Variants in BRAF observed in about 807,000 individuals in gnomAD.
BRAF encodes serine/threonine-protein kinase B-raf.
In BRAF, 16 loss-of-function variants were observed where a neutral mutation model predicts 104.6. The ratio of observed to expected loss-of-function variants is 0.15; its 90% CI spans 0.10 to 0.23. The LOEUF is 0.23. Among genes scored for constraint, BRAF ranks in the 10% least tolerant of loss-of-function variants. The pLI is 1.00. For missense variants in BRAF, 541 were observed against 937.3 expected, an observed-to-expected ratio of 0.58 and a Z score of 5.52; for synonymous variants, 310 against 341.6, an observed-to-expected ratio of 0.91 and a Z score of 1.02.
At chr7:140,775,671 G>A (rs749265656) in intron 14 of BRAF, among the ~76,000 whole-genome samples, 1 of 152,128 alleles carries the variant, frequency 6.6e-6, no homozygotes, top group African/African-American at 2.4e-5. Flanking sequence ...CTTTAGATTC[G>A]AACAGATTCA....
chr7:140,898,149 AC>A (rs1216385686), intron 1 of BRAF, among the ~76,000 whole-genome samples: 1 of 152,158 alleles, frequency 6.6e-6, no homozygotes, highest in East Asian at 1.9e-4. Context: ...CTATGATCAC[AC>A]TACTGCACTC....
chr7:140,842,463 T>C (rs1200663661), intron 2 of BRAF, among the ~76,000 whole-genome samples: 1 of 152,172 alleles, frequency 6.6e-6, no homozygotes, highest in Non-Finnish European at 1.5e-5. Context: ...GATTCAACCA[T>C]AAATTCTGAA....
chr7:140,830,648 CCT>C (rs1220940171), intron 3 of BRAF, among the ~76,000 whole-genome samples: 1 of 152,148 alleles, frequency 6.6e-6, no homozygotes, highest in Non-Finnish European at 1.5e-5. Flanking sequence ...CATCCACCAA[CCT>C]CTGAGAAGTG....
At chr7:140,754,125 A>G (rs1406243285) in intron 15 of BRAF, 62 bp downstream of exon 14, 1 of 1,513,728 alleles carries the variant, frequency 6.6e-7, no homozygotes, top group Non-Finnish European at 9.2e-7. Flanking sequence ...ATGTGAAGAC[A>G]AAATGCAGAA....
Position 140,924,806 on chromosome 7 carries a change from C to CG in BRAF, c.-104dup. On this transcript the variant is annotated 5_prime_UTR_variant, in exon 1 of 20. Transcript: ENST00000644969. This position sits in a 1 kb window ranked among gnomAD's most constrained non-coding sequence, Gnocchi z 4.2. ...GGAGGCGGAGGCGGAGGCGGAGGAG[C>CG]GGGGGGCGCGGGGGGCGCGGGGAGG... The CG allele has an allele frequency of 2.7e-6, 1 of 377,200 alleles. No individual in the cohort carries two copies. Among genetic ancestry groups the CG allele is most frequent in the Non-Finnish European group, 4.7e-6 (1 of 212,540 alleles). The allele number at this position is 377,200 out of a possible 1,614,324, so 23.4% of individuals were successfully genotyped here. A position where few individuals can be genotyped will look rare whatever the true frequency, so the allele number is the denominator to read the frequency against.
At position 140,721,336 on chromosome 7, in the gene BRAF, T is replaced by C. The variant is rs1428395934; in HGVS notation, c.*5158A>G. 2.5e-6 allele frequency: 3 copies of C among 1,202,628 alleles called. No homozygotes were observed. The highest frequency in any genetic ancestry group is 6.5e-4 in the Middle Eastern group (2 of 3,086). 74.5% of individuals were successfully genotyped at this position (1,202,628 alleles called of 1,614,324 possible). A position where few individuals can be genotyped will look rare whatever the true frequency, so the allele number is the denominator to read the frequency against. On this transcript the variant is annotated 3_prime_UTR_variant, in exon 20 of 20. Coordinates refer to ENST00000644969, the MANE Select transcript of BRAF (RefSeq NM_001374258.1). ...GCACTGTTACCTTAATTTAAGATTTTAGGAGTTGGGTTTCTGTCCTTTTCC... is the reference window on the plus strand; with the variant it reads ...GCACTGTTACCTTAATTTAAGATTTCAGGAGTTGGGTTTCTGTCCTTTTCC...
rs1490708508 is a variant in BRAF at position 140,785,144 on chromosome 7, T to A, written c.1297+545A>T. On this transcript the variant is annotated intron_variant, in intron 10 of 19. Transcript: ENST00000644969. ...GTCTTTTTTAACAGCTCCCTACCTTTGACAAAAATATACACATCCCATATT... is the reference window on the plus strand; with the variant it reads ...GTCTTTTTTAACAGCTCCCTACCTTAGACAAAAATATACACATCCCATATT... 2.0e-5 allele frequency among the ~76,000 whole-genome samples: 3 copies of A among 152,030 alleles called. No individual in the cohort carries two copies. In the East Asian group the frequency reaches 5.8e-4, roughly 29 times the overall value.
At chr7:140,787,300 CAA>C (rs1199383417) in intron 9 of BRAF, among the ~76,000 whole-genome samples, 19 of 55,086 alleles carry the variant, frequency 3.4e-4, no homozygotes, top group African/African-American at 7.6e-4. Flanking sequence ...GACTCCGTCT[CAA>C]AAAAAAAAAA....
intron 1 of BRAF, among the ~76,000 whole-genome samples, chr7:140,874,421 CG>C (rs1379320166): frequency 6.6e-6 from 1 of 150,494 alleles, no homozygotes; most frequent in Non-Finnish European, 1.5e-5. Flanking sequence ...AGGATGGCCT[CG>C]ATCTCCTGAC....
At chr7:140,743,371 C>T (rs953421403) in intron 17 of BRAF, among the ~76,000 whole-genome samples, 10 of 152,012 alleles carry the variant, frequency 6.6e-5, no homozygotes, top group African/African-American at 1.2e-4. Context: ...GGCACATATA[C>T]ACCATGGAAT....
At chr7:140,915,814 T>C (rs1000416891) in intron 1 of BRAF, among the ~76,000 whole-genome samples, 3 of 151,996 alleles carry the variant, frequency 2.0e-5, no homozygotes, top group Admixed American at 6.6e-5. Flanking sequence ...TAGTTAAAAA[T>C]AGTCTGCCAA....
rs771970702 is a variant in BRAF, at chr7:140,794,374, C to T, written c.1074G>A (p.Gly358=). The T allele has an allele frequency of 3.1e-6, 5 of 1,613,536 alleles. No individual in the cohort carries two copies. The South Asian group carries it at 3.3e-5, about 11-fold the overall frequency. The change falls in exon 8 of 20, where the codon GGG becomes GGA. Residue 358 remains glycine, a synonymous_variant. Transcript: ENST00000644969. ...GAGCTGATGAGGATCGGTCTCGTTG[C>T]CCAAATTGATTTCGATGATCTTCAT... is the stretch of plus-strand genomic sequence containing the variant. ...PADEDHRNQF[G]QRDRSSSAPN...
chr7:140,812,817 C>T (rs890275303), intron 3 of BRAF, among the ~76,000 whole-genome samples: 1 of 151,940 alleles, frequency 6.6e-6, no homozygotes, highest in Non-Finnish European at 1.5e-5. Context: ...GATGCTGGGA[C>T]AACTGGAACT....
intron 1 of BRAF, among the ~76,000 whole-genome samples, chr7:140,870,606 T>C (rs926727886): frequency 6.6e-6 from 1 of 150,794 alleles, no homozygotes; most frequent in African/African-American, 2.5e-5. Context: ...TCTAGTGATA[T>C]CACCCTTCTG....
chr7:140,752,838 A>G (rs1586012370), intron 16 of BRAF, among the ~76,000 whole-genome samples: 1 of 152,114 alleles, frequency 6.6e-6, no homozygotes, highest in African/African-American at 2.4e-5. Context: ...TGTGGATCAC[A>G]CCTGCCTTAA....
intron 14 of BRAF, among the ~76,000 whole-genome samples, chr7:140,768,502 T>C (rs527651223): frequency 6.6e-6 from 1 of 152,042 alleles, no homozygotes; most frequent in African/African-American, 2.4e-5. Context: ...CTGACTTCTT[T>C]TTTTCTTTGA....
At chr7:140,787,709 C>A in intron 8 of BRAF, 125 bp from the exon 9 acceptor site, 2 of 800,916 alleles carry the variant, frequency 2.5e-6, no homozygotes, top group South Asian at 1.7e-5. Context: ...CATCTTATAA[C>A]TATTACACAA....
At chr7:140,826,519 C>CA (rs1806067316) in intron 3 of BRAF, among the ~76,000 whole-genome samples, 1 of 152,066 alleles carries the variant, frequency 6.6e-6, no homozygotes, top group African/African-American at 2.4e-5. Context: ...AAGTAACTGA[C>CA]AGAGATAGAA....
At position 140,806,366 on chromosome 7, in the gene BRAF, C is replaced by T. The variant is rs186500921; in HGVS notation, c.711+1594G>A. ...TCTTCTCTCTACTCTATGGCAGTGA[C>T]ACTGTCTTATTCATTTGTCATATCC... On this transcript the variant is annotated intron_variant, in intron 5 of 19. Coordinates refer to ENST00000644969, the MANE Select transcript of BRAF (RefSeq NM_001374258.1). 1.1e-4 allele frequency among the ~76,000 whole-genome samples: 16 copies of T among 152,242 alleles called. No homozygotes were observed. The South Asian group carries it at 1.5e-3, about 14-fold the overall frequency.
Sources: gnomAD v4.1 joint callset for allele counts (sites outside exome capture counted in the v4.1 genomes callset) on GRCh38, gnomAD v4.1.1 for gene constraint, Gnocchi (gnomAD v3.1) non-coding constraint, MANE v1.5 for transcripts, NCBI Gene and HGNC (gene_info 2026-07-23, HGNC 2026-07-21) for gene names.